TAFA5: variants seen among roughly 807,000 people sequenced by gnomAD.
TAFA5 encodes TAFA chemokine like family member 5, also known as chemokine-like protein TAFA-5.
A neutral mutation model predicts 15.3 loss-of-function variants in TAFA5; 6 were observed. That is an observed-to-expected ratio of 0.39 (90% confidence interval 0.21 to 0.77). TAFA5 has a LOEUF of 0.77. TAFA5 is among the 30% of genes least tolerant of loss of function. The probability of loss-of-function intolerance (pLI) is 0.41; values close to 1 mark genes in which losing one functional copy is unlikely to be tolerated. For synonymous variants in TAFA5, 103 were observed against 80.7 expected, an observed-to-expected ratio of 1.28 and a Z score of -1.48; for missense variants, 161 against 193.1, an observed-to-expected ratio of 0.83 and a Z score of 0.98.
chr22:48,726,922 G>C (rs991513815), intron 3 of TAFA5, among the ~76,000 whole-genome samples: 9 of 152,198 alleles, frequency 5.9e-5, no homozygotes, highest in African/African-American at 2.2e-4. Context: ...TAGACAAGGA[G>C]TGTATCTCCA....
intron 1 of TAFA5, among the ~76,000 whole-genome samples, chr22:48,641,575 GCACGCCCTCCCCTCCACCCCA>G (rs1926678570): frequency 1.3e-5 from 1 of 78,586 alleles, no homozygotes; most frequent in Non-Finnish European, 2.6e-5. Flanking sequence ...CCTTCCCCCT[GCACGCCCTCCCCTCCACCCCA>G]CACGCCCTCC....
At chr22:48,635,045 C>T (rs1926395952) in intron 1 of TAFA5, among the ~76,000 whole-genome samples, 1 of 152,238 alleles carries the variant, frequency 6.6e-6, no homozygotes, top group African/African-American at 2.4e-5. Flanking sequence ...GCCCGGGCAG[C>T]AGCCCCTACT....
At chr22:48,588,917 A>AATG (rs1924459481) in intron 1 of TAFA5, among the ~76,000 whole-genome samples, 1 of 152,210 alleles carries the variant, frequency 6.6e-6, no homozygotes, top group Admixed American at 6.5e-5. Flanking sequence ...CACACTCTTC[A>AATG]AAGTCAGCCT....
chr22:48,506,395 C>T (rs1029631526), intron 1 of TAFA5, among the ~76,000 whole-genome samples: 4 of 152,318 alleles, frequency 2.6e-5, no homozygotes, highest in African/African-American at 7.2e-5. Flanking sequence ...GGCCCAGCTT[C>T]GGGGAGGAGC....
chr22:48,522,628 C>G (rs1261800645), intron 1 of TAFA5, among the ~76,000 whole-genome samples: 2 of 152,206 alleles, frequency 1.3e-5, no homozygotes, highest in Non-Finnish European at 2.9e-5. Context: ...GGCCTGAGTC[C>G]TCTCATCCGC....
At chr22:48,654,699 C>A (rs1454255392) in intron 2 of TAFA5, among the ~76,000 whole-genome samples, 1 of 152,170 alleles carries the variant, frequency 6.6e-6, no homozygotes, top group African/African-American at 2.4e-5. Flanking sequence ...CATTTTTGAG[C>A]CGAATGACTC....
chr22:48,502,646 C>T (rs886674721), intron 1 of TAFA5, among the ~76,000 whole-genome samples: 3 of 151,838 alleles, frequency 2.0e-5, no homozygotes, highest in Admixed American at 6.6e-5. Context: ...CTCAGCCTCC[C>T]GAGTAGCTGA....
At chr22:48,671,089 A>T (rs1002618679) in intron 2 of TAFA5, among the ~76,000 whole-genome samples, 1 of 152,156 alleles carries the variant, frequency 6.6e-6, no homozygotes, top group Non-Finnish European at 1.5e-5. Context: ...ACTGTGCCGT[A>T]TGCTCACACT....
chr22:48,544,747 G>A, intron 1 of TAFA5: 1 of 471,288 alleles, frequency 2.1e-6, no homozygotes, highest in South Asian at 1.5e-5. Context: ...GGGCTGCGGG[G>A]AGGCTGACTT....
chr22:48,496,859 A>G (rs1038427149), intron 1 of TAFA5, among the ~76,000 whole-genome samples: 3 of 152,146 alleles, frequency 2.0e-5, no homozygotes, highest in Admixed American at 2.0e-4. Flanking sequence ...TTGGTTCAGG[A>G]TCTCTGAATG....
Position 48,498,889 on chromosome 22 carries a change from A to C in TAFA5, c.112+9185A>C, listed in dbSNP as rs114754653. ...TGCTGGTATTTCCTGGTGTGGACTCAATACCAGCAGGGTGGCAATCTTACA... is the reference window on the plus strand; with the variant it reads ...TGCTGGTATTTCCTGGTGTGGACTCCATACCAGCAGGGTGGCAATCTTACA... On this transcript the variant is annotated intron_variant, in intron 1 of 3. Coordinates refer to ENST00000402357, the MANE Select transcript of TAFA5 (RefSeq NM_001082967.3). 3.7e-3 allele frequency among the ~76,000 whole-genome samples: 558 copies of C among 152,130 alleles called. 5 individuals carry two copies. The highest frequency in any genetic ancestry group is 0.013 in the African/African-American group (537 of 41,486).
At chr22:48,655,040 T>C (rs552549016) in intron 2 of TAFA5, among the ~76,000 whole-genome samples, 11 of 152,214 alleles carry the variant, frequency 7.2e-5, no homozygotes, top group African/African-American at 2.6e-4. Context: ...CAGGAAGGCT[T>C]CCTGGAGGAA....
At chr22:48,544,963 T>G (rs1421917251) in intron 1 of TAFA5, 6 of 445,290 alleles carry the variant, frequency 1.3e-5, no homozygotes, top group Non-Finnish European at 2.4e-5. Context: ...CGCACCTGCT[T>G]TTCAGTGGGC....
Position 48,499,963 on chromosome 22 carries a change from G to A in TAFA5, c.112+10259G>A, listed in dbSNP as rs531009833. ...GCTCCAGATCTGGTCAGCTGGAACC[G>A]CACCTCCCTTTGTATCCTCAGACTC... is the stretch of plus-strand genomic sequence containing the variant. On this transcript the variant is annotated intron_variant, in intron 1 of 3. Transcript: ENST00000402357. Among the ~76,000 whole-genome samples, 510 of 152,198 alleles carry A rather than the reference G, an allele frequency of 3.4e-3. 5 individuals are homozygous for A. Among genetic ancestry groups the A allele is most frequent in the Non-Finnish European group, 5.3e-3 (363 of 68,036 alleles).
At chr22:48,737,398 C>T (rs751159729) in intron 3 of TAFA5, among the ~76,000 whole-genome samples, 9 of 152,124 alleles carry the variant, frequency 5.9e-5, no homozygotes, top group Non-Finnish European at 1.0e-4. Context: ...CTTTGAGGAG[C>T]GCCCCTGAGC....
chr22:48,542,427 G>A (rs1187309397), intron 1 of TAFA5, among the ~76,000 whole-genome samples: 1 of 136,676 alleles, frequency 7.3e-6, no homozygotes, highest in African/African-American at 2.8e-5. Flanking sequence ...TGGTGTGTAT[G>A]TGTGTGGTGT....
intron 2 of TAFA5, among the ~76,000 whole-genome samples, chr22:48,687,833 C>T (rs191563390): frequency 1.1e-3 from 169 of 152,286 alleles, no homozygotes; most frequent in Non-Finnish European, 2.0e-3. Flanking sequence ...CTGCCCCAGG[C>T]TCCCTGAGTG....
chr22:48,699,597 C>T (rs191273944), intron 2 of TAFA5, among the ~76,000 whole-genome samples: 35 of 152,248 alleles, frequency 2.3e-4, no homozygotes, highest in African/African-American at 6.7e-4. Context: ...TTAATAATCA[C>T]GTGGCTTTGT....
chr22:48,589,445 C>T (rs1924480034), intron 1 of TAFA5, among the ~76,000 whole-genome samples: 1 of 147,908 alleles, frequency 6.8e-6, no homozygotes, highest in Non-Finnish European at 1.5e-5. Context: ...AACCCAGGGT[C>T]GGTTGGAGGT....
Sources: gnomAD v4.1 joint callset for allele counts (sites outside exome capture counted in the v4.1 genomes callset) on GRCh38, gnomAD v4.1.1 for gene constraint, MANE v1.5 for transcripts, NCBI Gene and HGNC (gene_info 2026-07-23, HGNC 2026-07-21) for gene names.